Variants in ZBTB8B observed in about 807,000 individuals in gnomAD.
The protein encoded by ZBTB8B is zinc finger and BTB domain containing 8B.
In ZBTB8B, 17 loss-of-function variants were observed where a neutral mutation model predicts 30.3. The ratio of observed to expected loss-of-function variants is 0.56; its 90% confidence interval spans 0.38 to 0.84. The LOEUF is 0.84. Among genes scored for constraint, ZBTB8B ranks in the 40% least tolerant of loss-of-function variants. ZBTB8B has a pLI of 0.00. For synonymous variants in ZBTB8B, 248 were observed against 255.6 expected (o/e 0.97, Z 0.28); for missense variants, 515 against 644.9 (o/e 0.80, Z 2.18).
In ZBTB8B at chr1:32,492,296, C is replaced by CTTT. The variant is rs757432694; in HGVS notation, c.*6899_*6901dup. On this transcript the variant is annotated 3_prime_UTR_variant, in exon 4 of 4. Coordinates refer to ENST00000609129, the MANE Select transcript of ZBTB8B (RefSeq NM_001145720.2). Reference sequence around the variant, plus strand: ...AAACACAGGCTCTTGGTAACCGTGCCTTTTTTTTTTTTTTTTTTTTTTTAA... The same window carrying CTTT: ...AAACACAGGCTCTTGGTAACCGTGCCTTTTTTTTTTTTTTTTTTTTTTTTTTAA... 8.1e-5 allele frequency: 10 copies of CTTT among 123,008 alleles called. No individual in the cohort carries two copies. Among genetic ancestry groups the CTTT allele is most frequent in the South Asian group, 2.6e-4 (1 of 3,874 alleles). The allele number at this position is 123,008 out of a possible 1,614,324, so 7.6% of individuals were successfully genotyped here.
rs1034271663 is a variant in ZBTB8B at position 32,485,523 on chromosome 1, T to C, written c.*105T>C. ...TTGTGGAACCCTGAGAGGAACATTT[T>C]TTCACTGTTATTATATGTGCATTTT... On this transcript the variant is annotated 3_prime_UTR_variant, in exon 4 of 4. Coordinates refer to ENST00000609129, the MANE Select transcript of ZBTB8B (RefSeq NM_001145720.2). 6.3e-5 allele frequency: 73 copies of C among 1,149,636 alleles called. No homozygotes were observed. In the East Asian group the frequency reaches 1.8e-3, roughly 28 times the overall value. 71.2% of individuals were successfully genotyped at this position (1,149,636 alleles called of 1,614,324 possible).
chr1:32,483,062 T>C (rs1643717924), intron 3 of ZBTB8B, among the ~76,000 whole-genome samples: 1 of 151,370 alleles, frequency 6.6e-6, no homozygotes, highest in South Asian at 2.1e-4. Flanking sequence ...AGAGCCCCTA[T>C]CGGCTGGAGT....
Position 32,487,006 on chromosome 1 carries a change from C to T in ZBTB8B, c.*1588C>T, listed in dbSNP as rs193172649. Reference sequence around the variant, plus strand: ...TAAAGGGCAGGCAGTGTTAGGAATTCGGAATGTAATTGAAGGCAATTTCCA... The same window carrying T: ...TAAAGGGCAGGCAGTGTTAGGAATTTGGAATGTAATTGAAGGCAATTTCCA... On this transcript the variant is annotated 3_prime_UTR_variant, in exon 4 of 4. Transcript: ENST00000609129. The T allele has an allele frequency of 6.3e-4, 96 of 152,176 alleles. No homozygotes were observed. The highest frequency in any genetic ancestry group is 2.0e-3 in the African/African-American group (85 of 41,512). 9.4% of individuals were successfully genotyped at this position (152,176 alleles called of 1,614,324 possible).
intron 2 of ZBTB8B, among the ~76,000 whole-genome samples, chr1:32,472,809 G>T (rs1268160779): frequency 6.6e-6 from 1 of 152,166 alleles, no homozygotes; most frequent in Non-Finnish European, 1.5e-5. Flanking sequence ...TAGAGACAGG[G>T]TTTCACCATG....
intron 2 of ZBTB8B, among the ~76,000 whole-genome samples, chr1:32,471,997 T>C (rs113619291): frequency 1.4e-5 from 2 of 141,808 alleles, no homozygotes. Context: ...ACCATCATCA[T>C]CAGTACCATC....
intron 2 of ZBTB8B, among the ~76,000 whole-genome samples, chr1:32,479,830 T>C (rs1480126748): frequency 2.0e-5 from 3 of 152,202 alleles, no homozygotes; most frequent in African/African-American, 7.2e-5. Flanking sequence ...GTCACCTTAA[T>C]GGTTATATGA....
rs555275593 is a variant in ZBTB8B at position 32,467,463 on chromosome 1, A to G, written c.-42+2358A>G. On this transcript the variant is annotated intron_variant, in intron 1 of 3. Transcript: ENST00000609129. ...GAGACGGGGTTTCACTACGTTGGCC[A>G]GGCTGGTCTCGAACTCCTGACCCCA... Among the ~76,000 whole-genome samples the G allele has an allele frequency of 2.7e-3, 413 of 152,126 alleles. 5 individuals are homozygous for G. The highest frequency in any genetic ancestry group is 9.5e-3 in the African/African-American group (394 of 41,524).
At chr1:32,475,272 G>A (rs1233160218) in intron 2 of ZBTB8B, among the ~76,000 whole-genome samples, 4 of 152,186 alleles carry the variant, frequency 2.6e-5, no homozygotes, top group Non-Finnish European at 5.9e-5. Context: ...AACTGATAGT[G>A]TTGTATAGGA....
intron 1 of ZBTB8B, among the ~76,000 whole-genome samples, chr1:32,467,609 A>G (rs890514828): frequency 1.2e-4 from 19 of 152,284 alleles, no homozygotes; most frequent in Middle Eastern, 3.4e-3. Context: ...TAAGAAATGA[A>G]TATTCCTTTT....
chr1:32,476,002 G>A (rs12077170), intron 2 of ZBTB8B, among the ~76,000 whole-genome samples: 3 of 151,852 alleles, frequency 2.0e-5, no homozygotes, highest in African/African-American at 7.3e-5. Context: ...ATTTTTCGTA[G>A]CAACAGGGTT....
rs960395659 is a variant in ZBTB8B, at chr1:32,471,608, G to A, written c.984G>A (p.Glu328=). The part of the protein sequence containing the change: ...MMDVQADWYG[E]DSGDVLVVPI... ...ATGTCCAGGCTGACTGGTATGGAGA[G>A]GACTCAGGTGAGCTCCCTTAGCATT... The change falls in exon 2 of 4, where the codon GAG becomes GAA. Residue 328 remains glutamate (E), a synonymous_variant. Coordinates refer to ENST00000609129, the MANE Select transcript of ZBTB8B (RefSeq NM_001145720.2). The A allele has an allele frequency of 1.9e-6, 3 of 1,548,866 alleles. No individual in the cohort carries two copies. The highest frequency in any genetic ancestry group is 1.7e-6 in the Non-Finnish European group (2 of 1,144,744).
In ZBTB8B at chr1:32,496,249, A is replaced by G. The variant is rs1284123945; in HGVS notation, c.*10831A>G. 2 of 152,236 alleles carry G rather than the reference A, an allele frequency of 1.3e-5. No individual in the cohort carries two copies. The highest frequency in any genetic ancestry group is 4.8e-5 in the African/African-American group (2 of 41,460). The allele number at this position is 152,236 out of a possible 1,614,324, so 9.4% of individuals were successfully genotyped here. A position where few individuals can be genotyped will look rare whatever the true frequency, so the allele number is the denominator to read the frequency against. On this transcript the variant is annotated 3_prime_UTR_variant, in exon 4 of 4. Transcript: ENST00000609129. ...ACTGACTACTGTCTGATGAATGGGTAATTGATGATGCAATGTATGAAAAAA... is the reference window on the plus strand; with the variant it reads ...ACTGACTACTGTCTGATGAATGGGTGATTGATGATGCAATGTATGAAAAAA...
At chr1:32,477,716 A>T (rs1362315125) in intron 2 of ZBTB8B, among the ~76,000 whole-genome samples, 1 of 151,378 alleles carries the variant, frequency 6.6e-6, no homozygotes, top group Non-Finnish European at 1.5e-5. Context: ...AGCCTGGACA[A>T]CATAGTGAGA....
chr1:32,485,304 C>CAATG lies in ZBTB8B; in HGVS notation c.1376_1379dup (p.Asp460GlufsTer2). On this transcript the variant is annotated frameshift_variant, in exon 4 of 4. Coordinates refer to ENST00000609129, the MANE Select transcript of ZBTB8B (RefSeq NM_001145720.2). LOFTEE classifies it high-confidence loss of function. ...AAAGCCAAGAAAAGAGCGACACAGA[C>CAATG]AATGACTGGCCAATCTATGTGGAGT... 1 of 1,552,308 alleles carries CAATG rather than the reference C, an allele frequency of 6.4e-7. No homozygotes were observed.
intron 2 of ZBTB8B, among the ~76,000 whole-genome samples, chr1:32,474,255 C>T (rs1037329493): frequency 6.9e-6 from 1 of 144,248 alleles, no homozygotes; most frequent in Non-Finnish European, 1.5e-5. Flanking sequence ...ACCTATAATC[C>T]CAGCATTTTG....
chr1:32,471,152 C>G lies in ZBTB8B; in HGVS notation c.528C>G (p.Val176=), dbSNP rs1403257356. The G allele has an allele frequency of 2.6e-6, 4 of 1,551,674 alleles. No individual in the cohort carries two copies. The highest frequency in any genetic ancestry group is 2.7e-5 in the African/African-American group (2 of 73,054). ...CCTCCTGTGGTACCAAGAGCTTGGT[C>G]TCCTCTCCAGCCGAGGGAGAAAAGA... ...EGTSCGTKSL[V]SSPAEGEKSV... Residue 176 remains valine (V), a synonymous_variant, in exon 2 of 4, where the codon GTC becomes GTG. Coordinates refer to ENST00000609129, the MANE Select transcript of ZBTB8B (RefSeq NM_001145720.2).
In ZBTB8B at chr1:32,471,038, G is replaced by GGCGGCGGCAGCGGCGGCGGCTGCA. The variant is rs1164568309; in HGVS notation, c.426_449dup (p.Ala146_Ala153dup). On this transcript the variant is annotated inframe_insertion, in exon 2 of 4. Transcript: ENST00000609129. ...AGGAGGCTGCTGTGGCTGCAGCAGT[G>GGCGGCGGCAGCGGCGGCGGCTGCA]GCGGCGGCAGCGGCGGCGGCTGCAG... 28 of 1,550,470 alleles carry GGCGGCGGCAGCGGCGGCGGCTGCA rather than the reference G, an allele frequency of 1.8e-5. No homozygotes were observed. Among genetic ancestry groups the GGCGGCGGCAGCGGCGGCGGCTGCA allele is most frequent in the Non-Finnish European group, 2.1e-5 (24 of 1,146,476 alleles).
At position 32,495,565 on chromosome 1, in the gene ZBTB8B, A is replaced by G. The variant is rs575472029; in HGVS notation, c.*10147A>G. On this transcript the variant is annotated 3_prime_UTR_variant, in exon 4 of 4. Coordinates refer to ENST00000609129, the MANE Select transcript of ZBTB8B (RefSeq NM_001145720.2). ...AGTTTAGAATAGGAGTGGCCTCAAC[A>G]AAGGAAAAAGTCCTTTGTTCCTCTG... 1 of 150,436 alleles carries G rather than the reference A, an allele frequency of 6.6e-6. No individual in the cohort carries two copies. Among genetic ancestry groups the G allele is most frequent in the South Asian group, 2.1e-4 (1 of 4,822 alleles). The allele number at this position is 150,436 out of a possible 1,614,324, so 9.3% of individuals were successfully genotyped here.
intron 1 of ZBTB8B, among the ~76,000 whole-genome samples, chr1:32,469,189 C>T (rs1368914736): frequency 6.6e-6 from 1 of 151,322 alleles, no homozygotes; most frequent in African/African-American, 2.4e-5. Context: ...AGACCCAAGA[C>T]CCTTCCTCTA....
Sources: allele counts gnomAD v4.1 joint callset (sites outside exome capture counted in the v4.1 genomes callset), GRCh38; gene constraint gnomAD v4.1.1; transcripts MANE v1.5; gene names NCBI Gene and HGNC (gene_info 2026-07-23, HGNC 2026-07-21).